ANKRD31: variants seen among roughly 807,000 people sequenced by gnomAD.
ANKRD31 encodes the protein ankyrin repeat domain-containing protein 31.
ANKRD31 carries 147 observed loss-of-function variants against 186.0 expected under a neutral mutation model. That is an observed-to-expected ratio of 0.79 (90% CI 0.69 to 0.91). The LOEUF (loss-of-function observed/expected upper bound fraction) is 0.91. Among genes scored for constraint, ANKRD31 ranks in the 40% least tolerant of loss-of-function variants. ANKRD31 has a pLI of 0.00. For missense variants in ANKRD31, 1,986 were observed against 2,148.8 expected (o/e 0.92, Z 1.50); for synonymous variants, 673 against 736.4 (o/e 0.91, Z 1.39).
intron 9 of ANKRD31, among the ~76,000 whole-genome samples, chr5:75,189,367 T>C (rs1056091233): frequency 6.6e-6 from 1 of 152,208 alleles, no homozygotes; most frequent in Admixed American, 6.5e-5. Context: ...ATTTTCTGAA[T>C]TTCAGAGTAG....
intron 10 of ANKRD31, among the ~76,000 whole-genome samples, chr5:75,172,874 C>T (rs1478992330): frequency 2.6e-5 from 4 of 152,144 alleles, no homozygotes; most frequent in African/African-American, 9.7e-5. Flanking sequence ...GGAATCTTCC[C>T]TAACTTATTT....
chr5:75,116,189 C>T (rs1219191177), intron 19 of ANKRD31, among the ~76,000 whole-genome samples: 20 of 142,070 alleles, frequency 1.4e-4, no homozygotes, highest in South Asian at 1.1e-3. Flanking sequence ...TATTCTCACT[C>T]ATAGGTGGGA....
chr5:75,072,374 T>G (rs1744306527), intron 25 of ANKRD31, among the ~76,000 whole-genome samples: 2 of 152,012 alleles, frequency 1.3e-5, no homozygotes, highest in African/African-American at 4.8e-5. Context: ...GCCTCCCTAC[T>G]TTCCTTATTC....
intron 10 of ANKRD31, among the ~76,000 whole-genome samples, chr5:75,179,725 A>T (rs896185346): frequency 6.6e-6 from 1 of 152,196 alleles, no homozygotes. Context: ...TATTGATGGG[A>T]CATATCTCAA....
rs1755456932 is a variant in ANKRD31 at position 75,196,209 on chromosome 5, T to C, written c.448-9A>G. On this transcript the variant is annotated splice_polypyrimidine_tract_variant and intron_variant, in intron 6 of 25. Transcript: ENST00000506364. ...CTGCCTTCACTTAGTTCCTGTGTAT[T>C]ACAAATAGAAATTACATCATTACAG... 1 of 1,441,144 alleles carries C rather than the reference T, an allele frequency of 6.9e-7. No homozygotes were observed. 89.3% of individuals were successfully genotyped at this position (1,441,144 alleles called of 1,614,324 possible). A position where few individuals can be genotyped will look rare whatever the true frequency, so the allele number is the denominator to read the frequency against.
intron 2 of ANKRD31, among the ~76,000 whole-genome samples, chr5:75,229,155 C>T (rs1757800753): frequency 6.6e-6 from 1 of 152,086 alleles, no homozygotes; most frequent in Non-Finnish European, 1.5e-5. Context: ...TGAACAGTGA[C>T]TATCAGTGAT....
intron 20 of ANKRD31, 75 bp from the exon 21 acceptor site, chr5:75,107,692 C>T (rs1747442997): frequency 4.8e-6 from 4 of 837,422 alleles, no homozygotes; most frequent in Non-Finnish European, 5.5e-6. Context: ...AGAATTAGCC[C>T]TATTGTTAAT....
chr5:75,236,296 G>T (rs1235161540), intron 1 of ANKRD31, among the ~76,000 whole-genome samples: 1 of 152,022 alleles, frequency 6.6e-6, no homozygotes, highest in African/African-American at 2.4e-5. Flanking sequence ...TTTTTTGCTT[G>T]TGCAAAAAGA....
intron 3 of ANKRD31, among the ~76,000 whole-genome samples, chr5:75,211,199 G>T (rs907354647): frequency 6.6e-6 from 1 of 152,112 alleles, no homozygotes; most frequent in African/African-American, 2.4e-5. Flanking sequence ...TCTGCTTTCT[G>T]TCTTTATTGA....
intron 24 of ANKRD31, among the ~76,000 whole-genome samples, chr5:75,082,239 C>G (rs1402759487): frequency 6.6e-6 from 1 of 152,022 alleles, no homozygotes; most frequent in East Asian, 1.9e-4. Context: ...AATTAGGGTG[C>G]AAAAGTTAGG....
intron 5 of ANKRD31, among the ~76,000 whole-genome samples, chr5:75,202,018 C>T (rs1268603311): frequency 1.3e-5 from 2 of 152,192 alleles, no homozygotes; most frequent in East Asian, 1.9e-4. Flanking sequence ...CCCCAGGCCA[C>T]ACCTTGCTTC....
At chr5:75,074,028 C>CA (rs1177521160) in intron 25 of ANKRD31, among the ~76,000 whole-genome samples, 2 of 152,154 alleles carry the variant, frequency 1.3e-5, no homozygotes, top group Non-Finnish European at 2.9e-5. Context: ...GCATGGCAGT[C>CA]AAAATCCCAT....
intron 16 of ANKRD31, 28 bp downstream of exon 16, chr5:75,138,818 A>C (rs1478590735): frequency 5.2e-6 from 8 of 1,529,866 alleles, no homozygotes; most frequent in African/African-American, 2.8e-5. Flanking sequence ...TCAAATTATA[A>C]AGGTAATTAA....
intron 23 of ANKRD31, among the ~76,000 whole-genome samples, chr5:75,087,877 T>A (rs182571339): frequency 1.8e-4 from 28 of 152,326 alleles, no homozygotes; most frequent in African/African-American, 6.3e-4. Flanking sequence ...CTCACCTTCA[T>A]GGTACCAACC....
At chr5:75,076,158 T>C (rs775846545) in intron 25 of ANKRD31, among the ~76,000 whole-genome samples, 4 of 152,198 alleles carry the variant, frequency 2.6e-5, no homozygotes, top group African/African-American at 4.8e-5. Flanking sequence ...CAATCAACTG[T>C]CCTACAATTC....
intron 11 of ANKRD31, among the ~76,000 whole-genome samples, chr5:75,158,341 G>GA (rs1411373051): frequency 1.3e-5 from 2 of 152,050 alleles, no homozygotes; most frequent in Non-Finnish European, 2.9e-5. Flanking sequence ...ATAAAAACAA[G>GA]AAAAAAATTT....
chr5:75,228,160 G>A lies in ANKRD31; in HGVS notation c.178+2402C>T, dbSNP rs558950072. ...AAGGTTTTGATTGACATCAAATGAA[G>A]TTGGGATGGGAAAAAAACCCTGGTT... On this transcript the variant is annotated intron_variant, in intron 2 of 25. Transcript: ENST00000506364. 5.3e-5 allele frequency among the ~76,000 whole-genome samples: 8 copies of A among 152,252 alleles called. No homozygotes were observed. In the South Asian group the frequency reaches 1.7e-3, roughly 32 times the overall value.
At position 75,179,432 on chromosome 5, in the gene ANKRD31, A is replaced by T. The variant is rs574011563; in HGVS notation, c.1564+9061T>A. On this transcript the variant is annotated intron_variant, in intron 10 of 25. Coordinates refer to ENST00000506364, the MANE Select transcript of ANKRD31 (RefSeq NM_001372053.1). The stretch of plus-strand genomic sequence containing the variant: ...CAAAGCCTGGCAGAGACACAACAAA[A>T]AAAGAGAATTTTAGACCAATATCCT... 7.2e-5 allele frequency among the ~76,000 whole-genome samples: 11 copies of T among 152,330 alleles called. No individual in the cohort carries two copies. In the South Asian group the frequency reaches 2.3e-3, roughly 32 times the overall value.
intron 3 of ANKRD31, among the ~76,000 whole-genome samples, chr5:75,211,152 C>T (rs11959556): frequency 0.049 from 7,455 of 152,238 alleles, 397 homozygotes; most frequent in African/African-American, 0.13. Flanking sequence ...AACACTAACT[C>T]CCCACTCCCC....
Sources: allele counts gnomAD v4.1 joint callset (sites outside exome capture counted in the v4.1 genomes callset), GRCh38; gene constraint gnomAD v4.1.1; transcripts MANE v1.5; gene names NCBI Gene and HGNC (gene_info 2026-07-23, HGNC 2026-07-21).